ZNF804A: variants seen among roughly 807,000 people sequenced by gnomAD.
The protein encoded by ZNF804A is zinc finger protein 804A.
Under a neutral mutation model 16.5 loss-of-function variants are expected in ZNF804A, and 2 were observed. The ratio of observed to expected loss-of-function variants is 0.12; its 90% CI spans 0.05 to 0.38. The LOEUF (loss-of-function observed/expected upper bound fraction) is 0.38, where lower values mean the gene tolerates loss of function less well. Ranked by LOEUF, ZNF804A falls within the 10% of genes least tolerant of loss-of-function variation. The probability of loss-of-function intolerance (pLI) is 0.99; values close to 1 mark genes in which losing one functional copy is unlikely to be tolerated. For synonymous variants in ZNF804A, 534 were observed against 489.6 expected (o/e 1.09, Z -1.20); for missense variants, 1,473 against 1,390.7 (o/e 1.06, Z -0.94).
intron 1 of ZNF804A, among the ~76,000 whole-genome samples, chr2:184,605,261 C>G (rs1367103247): frequency 6.6e-6 from 1 of 151,966 alleles, no homozygotes; most frequent in Admixed American, 6.6e-5. Flanking sequence ...TGTACTGCAA[C>G]AAAAATTTAT....
chr2:184,796,016 C>T (rs187143895), intron 1 of ZNF804A, among the ~76,000 whole-genome samples: 48 of 152,070 alleles, frequency 3.2e-4, no homozygotes, highest in African/African-American at 1.1e-3. Flanking sequence ...TGGTGAATCA[C>T]ATTTATTGAC....
intron 1 of ZNF804A, among the ~76,000 whole-genome samples, chr2:184,751,908 T>C (rs1693883056): frequency 6.6e-6 from 1 of 151,600 alleles, no homozygotes; most frequent in Admixed American, 6.6e-5. Context: ...ATGAGAGAAA[T>C]GCAAATTAAA....
chr2:184,835,083 A>G (rs979546333), intron 1 of ZNF804A, among the ~76,000 whole-genome samples: 3 of 152,202 alleles, frequency 2.0e-5, no homozygotes, highest in Admixed American at 6.6e-5. Flanking sequence ...GCAAATTAAC[A>G]GGATAGAAGA....
At chr2:184,920,480 G>C (rs1685513981) in intron 2 of ZNF804A, among the ~76,000 whole-genome samples, 1 of 152,084 alleles carries the variant, frequency 6.6e-6, no homozygotes. Flanking sequence ...TCTCAATGCG[G>C]ACCTCTATGG....
intron 1 of ZNF804A, among the ~76,000 whole-genome samples, chr2:184,642,351 T>C (rs1163026809): frequency 6.6e-6 from 1 of 152,118 alleles, no homozygotes; most frequent in Non-Finnish European, 1.5e-5. Flanking sequence ...TCATATCCTT[T>C]CCCTTCCATT....
At chr2:184,788,798 A>G (rs1463075895) in intron 1 of ZNF804A, among the ~76,000 whole-genome samples, 1 of 151,814 alleles carries the variant, frequency 6.6e-6, no homozygotes, top group Non-Finnish European at 1.5e-5. Flanking sequence ...TTCACATCCT[A>G]TTTTCCAATT....
At chr2:184,716,729 C>G (rs1320695453) in intron 1 of ZNF804A, among the ~76,000 whole-genome samples, 1 of 152,064 alleles carries the variant, frequency 6.6e-6, no homozygotes, top group Non-Finnish European at 1.5e-5. Flanking sequence ...AAATACTAGA[C>G]AAGACAAATT....
chr2:184,692,099 T>G (rs956736228), intron 1 of ZNF804A, among the ~76,000 whole-genome samples: 4 of 152,184 alleles, frequency 2.6e-5, no homozygotes, highest in Non-Finnish European at 1.5e-5. Flanking sequence ...GCATTTTATT[T>G]TAGGAATCAA....
intron 1 of ZNF804A, among the ~76,000 whole-genome samples, chr2:184,705,809 G>C (rs1032404101): frequency 1.3e-5 from 2 of 152,086 alleles, no homozygotes; most frequent in Non-Finnish European, 2.9e-5. Flanking sequence ...TAGAAAATGT[G>C]GTTTGGGGCT....
At chr2:184,760,875 CTT>C (rs1356677468) in intron 1 of ZNF804A, among the ~76,000 whole-genome samples, 1 of 152,104 alleles carries the variant, frequency 6.6e-6, no homozygotes, top group African/African-American at 2.4e-5. Context: ...ATGTATGAGA[CTT>C]TCTCTCCATT....
At chr2:184,849,330 C>T (rs188639805) in intron 1 of ZNF804A, among the ~76,000 whole-genome samples, 11 of 152,010 alleles carry the variant, frequency 7.2e-5, no homozygotes, top group African/African-American at 2.4e-4. Flanking sequence ...TGAGGCATAA[C>T]GCAGTCAGAA....
chr2:184,703,474 G>A (rs1366278617), intron 1 of ZNF804A, among the ~76,000 whole-genome samples: 2 of 151,714 alleles, frequency 1.3e-5, no homozygotes, highest in Non-Finnish European at 2.9e-5. Flanking sequence ...AGGCCGAGGC[G>A]GGCAGATCAT....
intron 2 of ZNF804A, among the ~76,000 whole-genome samples, chr2:184,914,106 C>T (rs1400742234): frequency 6.6e-6 from 1 of 152,154 alleles, no homozygotes; most frequent in East Asian, 1.9e-4. Context: ...AGGTCAGAGG[C>T]TCTGGTCTCA....
chr2:184,915,434 T>A (rs1685429280), intron 2 of ZNF804A, among the ~76,000 whole-genome samples: 1 of 152,088 alleles, frequency 6.6e-6, no homozygotes, highest in Non-Finnish European at 1.5e-5. Context: ...TAAAAAATAA[T>A]AGCATCAATG....
chr2:184,914,043 G>A (rs1429981632), intron 2 of ZNF804A, among the ~76,000 whole-genome samples: 2 of 152,146 alleles, frequency 1.3e-5, no homozygotes, highest in African/African-American at 4.8e-5. Flanking sequence ...GTCCTCCCAC[G>A]ACGTAAACAG....
At chr2:184,813,224 G>A (rs1694928418) in intron 1 of ZNF804A, among the ~76,000 whole-genome samples, 1 of 151,868 alleles carries the variant, frequency 6.6e-6, no homozygotes, top group Non-Finnish European at 1.5e-5. Context: ...AACTTAGTAG[G>A]CACTATGATA....
At chr2:184,735,971 G>T (rs996373431) in intron 1 of ZNF804A, among the ~76,000 whole-genome samples, 1 of 152,150 alleles carries the variant, frequency 6.6e-6, no homozygotes, top group Admixed American at 6.5e-5. Flanking sequence ...ATATTTCATT[G>T]TAGTCCATCA....
intron 1 of ZNF804A, among the ~76,000 whole-genome samples, chr2:184,721,406 T>A (rs1693312783): frequency 6.6e-6 from 1 of 151,280 alleles, no homozygotes; most frequent in African/African-American, 2.4e-5. Flanking sequence ...AAAAAATAAA[T>A]AAAAGTGAGC....
intron 1 of ZNF804A, among the ~76,000 whole-genome samples, chr2:184,813,078 C>G (rs1430782925): frequency 6.6e-6 from 1 of 152,080 alleles, no homozygotes; most frequent in African/African-American, 2.4e-5. Flanking sequence ...TGGAAGATGT[C>G]TGAGAGTCGG....
Sources: allele counts gnomAD v4.1 joint callset (sites outside exome capture counted in the v4.1 genomes callset), GRCh38; gene constraint gnomAD v4.1.1; transcripts MANE v1.5; gene names NCBI Gene and HGNC (gene_info 2026-07-23, HGNC 2026-07-21).